Variants in SLC7A2 observed in about 807,000 individuals in gnomAD.
SLC7A2 encodes the protein solute carrier family 7 member 2.
SLC7A2 carries 48 observed loss-of-function variants against 58.9 expected under a neutral mutation model. The observed-to-expected ratio is 0.82, with a 90% CI of 0.65 to 1.04. The LOEUF is 1.04. Ranked by LOEUF, SLC7A2 falls within the 50% of genes least tolerant of loss-of-function variation. SLC7A2 has a pLI of 0.00. For missense variants in SLC7A2, 1,029 were observed against 818.8 expected (o/e 1.26, Z -3.13); for synonymous variants, 363 against 314.5 (o/e 1.15, Z -1.63).
At chr8:17,554,975 G>A (rs368445046) in intron 8 of SLC7A2, 7 of 1,613,664 alleles carry the variant, frequency 4.3e-6, no homozygotes, top group African/African-American at 4.0e-5. Flanking sequence ...CCTTTACCCC[G>A]AATTCTGTTT....
intron 4 of SLC7A2, among the ~76,000 whole-genome samples, chr8:17,547,395 T>TA (rs1802223677): frequency 6.6e-6 from 1 of 152,122 alleles, no homozygotes; most frequent in South Asian, 2.1e-4. Context: ...CCTCCCATGA[T>TA]ACATGGGGAT....
rs928468671 is a variant in SLC7A2 at position 17,566,625 on chromosome 8, T to C, written c.*1479T>C. 2.0e-5 allele frequency: 3 copies of C among 151,594 alleles called. No homozygotes were observed. The highest frequency in any genetic ancestry group is 1.5e-5 in the Non-Finnish European group (1 of 68,022). The allele number at this position is 151,594 out of a possible 1,614,324, so 9.4% of individuals were successfully genotyped here. A position where few individuals can be genotyped will look rare whatever the true frequency, so the allele number is the denominator to read the frequency against. ...AAACTGGAAACTAAAAAGAATCAAA[T>C]TGAATTAAAGCTATATAAACACAGT... On this transcript the variant is annotated 3_prime_UTR_variant, in exon 13 of 13. Transcript: ENST00000494857.
chr8:17,550,543 A>G, intron 6 of SLC7A2, 109 bp downstream of exon 6: 1 of 1,001,664 alleles, frequency 1.0e-6, no homozygotes. Flanking sequence ...TCGGGTAAGA[A>G]GGGCACTAGT....
At chr8:17,536,400 A>T (rs1443402781) in intron 2 of SLC7A2, among the ~76,000 whole-genome samples, 1 of 152,116 alleles carries the variant, frequency 6.6e-6, no homozygotes, top group Non-Finnish European at 1.5e-5. Flanking sequence ...ACCTGTCTCT[A>T]CCAAAAATAC....
intron 2 of SLC7A2, among the ~76,000 whole-genome samples, chr8:17,521,569 C>T (rs949995841): frequency 9.9e-5 from 15 of 152,238 alleles, no homozygotes; most frequent in Admixed American, 7.2e-4. Context: ...GATCAGACCA[C>T]CCAGTGAAGA....
intron 2 of SLC7A2, among the ~76,000 whole-genome samples, chr8:17,531,023 T>C (rs1801429312): frequency 6.6e-6 from 1 of 152,230 alleles, no homozygotes; most frequent in Non-Finnish European, 1.5e-5. Flanking sequence ...CATTTACAAA[T>C]CTCCATACGG....
intron 7 of SLC7A2, among the ~76,000 whole-genome samples, chr8:17,553,287 G>T (rs1802536128): frequency 6.6e-6 from 1 of 152,134 alleles, no homozygotes; most frequent in South Asian, 2.1e-4. Flanking sequence ...CTGGGCTCAA[G>T]CTATCCTCTC....
chr8:17,513,822 C>T (rs969673540), intron 2 of SLC7A2, among the ~76,000 whole-genome samples: 3 of 151,816 alleles, frequency 2.0e-5, no homozygotes, highest in East Asian at 1.9e-4. Context: ...GGGAAAGTTT[C>T]GTTCATTCTC....
chr8:17,563,738 T>C, intron 12 of SLC7A2, 27 bp downstream of exon 12: 1 of 1,336,412 alleles, frequency 7.5e-7, no homozygotes, highest in Non-Finnish European at 1.1e-6. Flanking sequence ...CGGGTTCTCT[T>C]TCCTATTTCA....
At chr8:17,497,704 T>G (rs7823213) in intron 1 of SLC7A2, among the ~76,000 whole-genome samples, 84,014 of 152,116 alleles carry the variant, frequency 0.55, 23,440 homozygotes, top group East Asian at 0.77. Flanking sequence ...TCGCTCCTTT[T>G]CGGTTCTTGG....
intron 2 of SLC7A2, among the ~76,000 whole-genome samples, chr8:17,520,410 G>T (rs914273455): frequency 3.9e-5 from 6 of 151,940 alleles, no homozygotes; most frequent in African/African-American, 1.4e-4. Context: ...GGAGGCCGAG[G>T]TGGGCGGATC....
intron 12 of SLC7A2, among the ~76,000 whole-genome samples, 196 bp from the exon 13 acceptor site, chr8:17,564,754 T>C (rs529159392): frequency 6.6e-6 from 1 of 152,136 alleles, no homozygotes; most frequent in Non-Finnish European, 1.5e-5. Context: ...TAGAGACTGC[T>C]TGCTCACTTC....
chr8:17,552,101 C>T (rs1242686282), intron 7 of SLC7A2, 115 bp downstream of exon 7: 8 of 715,840 alleles, frequency 1.1e-5, no homozygotes, highest in Non-Finnish European at 1.9e-5. Flanking sequence ...AAATATTATG[C>T]AACTTTGTAT....
chr8:17,570,232 C>T lies in SLC7A2; in HGVS notation c.*5086C>T, dbSNP rs1803447245. ...CTCTGGCCTACACCTGATTAATGGG[C>T]CCTTTATCTTTGGTGTCCCCTAGGA... is the stretch of plus-strand genomic sequence containing the variant. On this transcript the variant is annotated 3_prime_UTR_variant, in exon 13 of 13. Coordinates refer to ENST00000494857, the MANE Select transcript of SLC7A2 (RefSeq NM_001370338.1). 1.3e-5 allele frequency: 2 copies of T among 152,044 alleles called. No homozygotes were observed. The highest frequency in any genetic ancestry group is 2.4e-5 in the African/African-American group (1 of 41,368). 9.4% of individuals were successfully genotyped at this position (152,044 alleles called of 1,614,324 possible).
chr8:17,555,168 T>G (rs1351715945), intron 8 of SLC7A2: 23 of 1,221,216 alleles, frequency 1.9e-5, no homozygotes, highest in Non-Finnish European at 2.6e-5. Flanking sequence ...GTCTGCATGC[T>G]GTGCATGTAA....
chr8:17,531,323 G>A (rs139332603), intron 2 of SLC7A2, among the ~76,000 whole-genome samples: 3 of 152,196 alleles, frequency 2.0e-5, no homozygotes, highest in Non-Finnish European at 2.9e-5. Flanking sequence ...CACTATAAAG[G>A]TTTTAGAGGA....
At chr8:17,536,757 G>A (rs1801683761) in intron 2 of SLC7A2, among the ~76,000 whole-genome samples, 1 of 152,330 alleles carries the variant, frequency 6.6e-6, no homozygotes, top group East Asian at 1.9e-4. Flanking sequence ...ATGGCTGAAG[G>A]TAGCAGATTG....
intron 2 of SLC7A2, among the ~76,000 whole-genome samples, chr8:17,534,861 A>G (rs186080549): frequency 2.6e-5 from 4 of 152,226 alleles, no homozygotes; most frequent in Admixed American, 1.3e-4. Context: ...TCAATAGTCT[A>G]CAAATCCGTG....
rs528722807 is a variant in SLC7A2, at chr8:17,533,530, G to C, written c.-22-9788G>C. On this transcript the variant is annotated intron_variant, in intron 2 of 12. Coordinates refer to ENST00000494857, the MANE Select transcript of SLC7A2 (RefSeq NM_001370338.1). Reference sequence around the variant, plus strand: ...ATTAATTAAATTAGGTAACTTTTACGGGGTGGGTGCAGGGTGGTGATTTGA... The same window carrying C: ...ATTAATTAAATTAGGTAACTTTTACCGGGTGGGTGCAGGGTGGTGATTTGA... Among the ~76,000 whole-genome samples the C allele has an allele frequency of 1.0e-3, 155 of 152,282 alleles. 1 individual carries two copies. The highest frequency in any genetic ancestry group is 3.6e-3 in the African/African-American group (149 of 41,544).
Sources: allele counts gnomAD v4.1 joint callset (sites outside exome capture counted in the v4.1 genomes callset), GRCh38; gene constraint gnomAD v4.1.1; transcripts MANE v1.5; gene names NCBI Gene and HGNC (gene_info 2026-07-23, HGNC 2026-07-21).